The following NGLY1 variants were observed in gnomAD, a reference collection of about 807,000 sequenced individuals.
NGLY1 encodes the protein N-glycanase 1.
Under a neutral mutation model 84.6 loss-of-function variants are expected in NGLY1, and 68 were observed. The observed-to-expected ratio is 0.80, with a 90% confidence interval of 0.66 to 0.98. The LOEUF is 0.98. Ranked by LOEUF, NGLY1 falls within the 50% of genes least tolerant of loss-of-function variation. The pLI, the probability that NGLY1 is intolerant of heterozygous loss-of-function variation, is 0.00. For missense variants in NGLY1, 779 were observed against 770.2 expected (o/e 1.01, Z -0.14); for synonymous variants, 280 against 275.2 (o/e 1.02, Z -0.17).
intron 8 of NGLY1, among the ~76,000 whole-genome samples, chr3:25,732,954 T>G (rs1705616055): frequency 6.6e-6 from 1 of 152,230 alleles, no homozygotes; most frequent in South Asian, 2.1e-4. Flanking sequence ...GGGCACATAC[T>G]GCACCTCTTT....
chr3:25,744,355 A>G (rs1446039812), intron 4 of NGLY1, among the ~76,000 whole-genome samples: 1 of 152,232 alleles, frequency 6.6e-6, no homozygotes, highest in Non-Finnish European at 1.5e-5. Flanking sequence ...ACCAGGCCAA[A>G]GCTATCAAAT....
At chr3:25,769,223 T>G (rs1337780530) in intron 2 of NGLY1, among the ~76,000 whole-genome samples, 1 of 152,114 alleles carries the variant, frequency 6.6e-6, no homozygotes, top group Non-Finnish European at 1.5e-5. Flanking sequence ...TAGCCGGGCA[T>G]GATGGCGTGC....
rs767512465 is a variant in NGLY1 at position 25,732,396 on chromosome 3, G to GGGTT, written c.1344_1347dup (p.Pro450AsnfsTer3). 6.2e-7 allele frequency: 1 copy of GGGTT among 1,613,762 alleles called. No individual in the cohort carries two copies. Among genetic ancestry groups the GGGTT allele is most frequent in the Non-Finnish European group, 8.5e-7 (1 of 1,179,770 alleles). Reference sequence around the variant, plus strand: ...CTTCCCCCAAGTTCTCCAGGTTTAGGGGTTTTGGGAGATATAAATTCAACA... The same window carrying GGGTT: ...CTTCCCCCAAGTTCTCCAGGTTTAGGGGTTGGTTTTGGGAGATATAAATTCAACA... On this transcript the variant is annotated frameshift_variant, in exon 9 of 12. Coordinates refer to ENST00000280700, the MANE Select transcript of NGLY1 (RefSeq NM_018297.4). LOFTEE classifies it high-confidence loss of function.
rs1262286835 is a variant in NGLY1, at chr3:25,719,540, G to A, written c.1885C>T (p.His629Tyr). The change falls in exon 12 of 12, where the codon CAC (histidine) becomes TAC (tyrosine). Residue 629 changes from histidine to tyrosine, a missense_variant. By Grantham distance (83) the His-to-Tyr change is moderately conservative. Coordinates refer to ENST00000280700, the MANE Select transcript of NGLY1 (RefSeq NM_018297.4). Reference protein sequence around the residue: ...SRGDGDVAWQHTQLFRQSLND... With the variant: ...SRGDGDVAWQYTQLFRQSLND... ...AAGCTTTGTCTAAACAGCTGGGTGT[G>A]TTGCCAAGCGACATCACCATCTCCT... 2.5e-6 allele frequency: 4 copies of A among 1,613,774 alleles called. No individual in the cohort carries two copies. The highest frequency in any genetic ancestry group is 2.5e-6 in the Non-Finnish European group (3 of 1,179,880).
At chr3:25,747,795 G>A (rs142618245) in intron 4 of NGLY1, among the ~76,000 whole-genome samples, 1 of 152,294 alleles carries the variant, frequency 6.6e-6, no homozygotes, top group Non-Finnish European at 1.5e-5. Flanking sequence ...TGGAAAAGAA[G>A]TCACTAGAGC....
chr3:25,727,340 A>C (rs1406639974), intron 10 of NGLY1, among the ~76,000 whole-genome samples: 1 of 152,166 alleles, frequency 6.6e-6, no homozygotes, highest in African/African-American at 2.4e-5. Context: ...GCCTTTGTCT[A>C]TCATTTACAT....
chr3:25,719,620 G>A lies in NGLY1; in HGVS notation c.1805C>T (p.Ser602Phe), dbSNP rs899798907. 6.2e-7 allele frequency: 1 copy of A among 1,613,032 alleles called. No homozygotes were observed. The highest frequency in any genetic ancestry group is 8.5e-7 in the Non-Finnish European group (1 of 1,179,488). The change falls in exon 12 of 12, where the codon TCC becomes TTC. Residue 602 changes from serine (S) to phenylalanine (F), a missense_variant. By Grantham distance (155) the Ser-to-Phe change is radical. Coordinates refer to ENST00000280700, the MANE Select transcript of NGLY1 (RefSeq NM_018297.4). The part of the protein sequence containing the change: ...VELTGDNSLH[S>F]YADFSGATEV... The stretch of plus-strand genomic sequence containing the variant: ...AGTGGCACCAGAAAAATCAGCATAG[G>A]AGTGAAGACTGTTATCTGTTAGAGG...
At chr3:25,748,866 C>T (rs9853926) in intron 4 of NGLY1, among the ~76,000 whole-genome samples, 1 of 151,656 alleles carries the variant, frequency 6.6e-6, no homozygotes, top group Non-Finnish European at 1.5e-5. Flanking sequence ...AAAATATACA[C>T]ATACCAATGA....
intron 10 of NGLY1, among the ~76,000 whole-genome samples, chr3:25,727,651 CA>C (rs1198700331): frequency 6.6e-6 from 1 of 152,136 alleles, no homozygotes; most frequent in African/African-American, 2.4e-5. Context: ...ATCGTGAGGT[CA>C]GGAATCATCT....
chr3:25,784,205 C>T (rs772942757), upstream of NGLY1: 19 of 152,154 alleles, frequency 1.2e-4, no homozygotes, highest in Middle Eastern at 3.2e-3. Context: ...GACTGAAAAT[C>T]TAAGTTCCAG....
At chr3:25,750,956 C>T (rs960076826) in intron 4 of NGLY1, 142 bp downstream of exon 4, 7 of 766,866 alleles carry the variant, frequency 9.1e-6, no homozygotes, top group African/African-American at 3.6e-5. Context: ...TGTGAATCCA[C>T]GTTTGGTTTA....
intron 4 of NGLY1, chr3:25,749,885 G>T: frequency 1.2e-6 from 1 of 811,606 alleles, no homozygotes; most frequent in South Asian, 1.4e-5. Flanking sequence ...GCACAGCGAA[G>T]AAAATGAGTA....
intron 3 of NGLY1, chr3:25,755,494 G>C: frequency 6.8e-7 from 1 of 1,461,754 alleles, no homozygotes; most frequent in South Asian, 1.1e-5. Flanking sequence ...CCACCTTCTC[G>C]GTCCACACCT....
chr3:25,768,976 G>A (rs1047058468), intron 2 of NGLY1, among the ~76,000 whole-genome samples: 1 of 152,172 alleles, frequency 6.6e-6, no homozygotes, highest in African/African-American at 2.4e-5. Flanking sequence ...AAGAAAATAT[G>A]TGCAAACTAT....
chr3:25,740,574 T>A (rs1247074748), intron 4 of NGLY1, among the ~76,000 whole-genome samples: 1 of 152,142 alleles, frequency 6.6e-6, no homozygotes, highest in African/African-American at 2.4e-5. Flanking sequence ...GAAGGACATA[T>A]ATAGCATAAT....
upstream of NGLY1, among the ~76,000 whole-genome samples, chr3:25,787,521 TC>T (rs1708631430): frequency 1.3e-5 from 2 of 152,282 alleles, no homozygotes; most frequent in African/African-American, 4.8e-5. Flanking sequence ...CTATCCACAT[TC>T]TAAAGTCAAA....
In NGLY1 at chr3:25,735,952, GA is replaced by G. The variant is rs971822723; in HGVS notation, c.1149+51del. 7.1e-5 allele frequency: 103 copies of G among 1,446,596 alleles called. No homozygotes were observed. The African/African-American group carries it at 1.1e-3, about 16-fold the overall frequency. 89.6% of individuals were successfully genotyped at this position (1,446,596 alleles called of 1,614,324 possible). On this transcript the variant is annotated intron_variant, in intron 7 of 11. Transcript: ENST00000280700. ...ATACATTCATGAAGCTGTCATAAAA[GA>G]AAAAAATATATTTTACTTTTGGAAA...
chr3:25,789,975 A>G (rs990973486), exon 1 of NGLY1: 1 of 1,352,914 alleles, frequency 7.4e-7, no homozygotes, highest in Non-Finnish European at 1.0e-6. Flanking sequence ...GACCTCAGCC[A>G]AGGTGACGCG....
chr3:25,783,378 C>CCGCCGCCGCCATGCTTGAGCGCCAGCGGG lies in NGLY1; in HGVS notation c.-17_12dup (p.Ala5ProfsTer110), dbSNP rs765492483. 5.2e-6 allele frequency: 8 copies of CCGCCGCCGCCATGCTTGAGCGCCAGCGGG among 1,541,618 alleles called. No individual in the cohort carries two copies. Among genetic ancestry groups the CCGCCGCCGCCATGCTTGAGCGCCAGCGGG allele is most frequent in the Non-Finnish European group, 7.0e-6 (8 of 1,144,822 alleles). ...GCCGAGCCTGAGGAGCTGCCCAATGCCGCCGCCGCCATGCTTGAGCGCCAG... is the reference window on the plus strand; with the variant it reads ...GCCGAGCCTGAGGAGCTGCCCAATGCCGCCGCCGCCATGCTTGAGCGCCAGCGGGCGCCGCCGCCATGCTTGAGCGCCAG... On this transcript the variant is annotated frameshift_variant, in exon 1 of 12. Transcript: ENST00000280700. LOFTEE classifies it high-confidence loss of function. The surrounding 1 kb of genome is among the most constrained non-coding windows in gnomAD (Gnocchi z 4.5).
Sources: gnomAD v4.1 joint callset for allele counts (sites outside exome capture counted in the v4.1 genomes callset) on GRCh38, gnomAD v4.1.1 for gene constraint, Gnocchi (gnomAD v3.1) non-coding constraint, MANE v1.5 for transcripts, NCBI Gene and HGNC (gene_info 2026-07-23, HGNC 2026-07-21) for gene names.